Variants in SLC39A12 observed in about 807,000 individuals in gnomAD.
The protein encoded by SLC39A12 is solute carrier family 39 member 12.
SLC39A12 carries 63 observed loss-of-function variants against 71.1 expected under a neutral mutation model. That is an observed-to-expected ratio of 0.89 (90% CI 0.72 to 1.09). The LOEUF (loss-of-function observed/expected upper bound fraction) is 1.09, where lower values mean the gene tolerates loss of function less well. Among genes scored for constraint, SLC39A12 ranks in the 50% least tolerant of loss-of-function variants. SLC39A12 has a pLI of 0.00. For synonymous variants in SLC39A12, 351 were observed against 301.3 expected (o/e 1.16, Z -1.71); for missense variants, 892 against 812.6 (o/e 1.10, Z -1.19).
intron 12 of SLC39A12, among the ~76,000 whole-genome samples, chr10:18,039,209 G>C (rs1026090246): frequency 6.6e-6 from 1 of 152,134 alleles, no homozygotes; most frequent in Admixed American, 6.5e-5. Flanking sequence ...AATCTTGTTT[G>C]AAAAATGAGG....
chr10:17,968,534 G>T lies in SLC39A12; in HGVS notation c.751+2844G>T, dbSNP rs186095094. Among the ~76,000 whole-genome samples the T allele has an allele frequency of 1.6e-4, 24 of 152,178 alleles. 1 individual carries two copies. In the East Asian group the frequency reaches 4.6e-3, roughly 29 times the overall value. ...TCATTTTGTATTTCTTATAAGGCAGGTCTGCTAGCAATAAATTCTCTCATT... is the reference window on the plus strand; with the variant it reads ...TCATTTTGTATTTCTTATAAGGCAGTTCTGCTAGCAATAAATTCTCTCATT... On this transcript the variant is annotated intron_variant, in intron 4 of 12. Transcript: ENST00000377369.
intron 3 of SLC39A12, among the ~76,000 whole-genome samples, chr10:17,962,321 C>T (rs571269870): frequency 4.6e-5 from 7 of 152,208 alleles, no homozygotes; most frequent in Non-Finnish European, 8.8e-5. Context: ...AAAAGCATTA[C>T]TCATGGTTGC....
chr10:18,017,945 A>G (rs1038845272), intron 12 of SLC39A12, among the ~76,000 whole-genome samples: 1 of 152,148 alleles, frequency 6.6e-6, no homozygotes, highest in African/African-American at 2.4e-5. Flanking sequence ...TTTGATTTGG[A>G]TTGAATTGAA....
At chr10:18,034,237 T>C (rs1836933484) in intron 12 of SLC39A12, among the ~76,000 whole-genome samples, 1 of 150,062 alleles carries the variant, frequency 6.7e-6, no homozygotes, top group African/African-American at 2.4e-5. Flanking sequence ...ATCTGTCTAA[T>C]GTTGACAGTG....
chr10:17,977,993 A>C lies in SLC39A12; in HGVS notation c.843A>C (p.Ile281=). Residue 281 remains isoleucine (I), a synonymous_variant, in exon 5 of 13, where the codon ATA becomes ATC. Transcript: ENST00000377369. ...IHQFQRKQNN[I]ITHDQDYSNF... is the part of the protein sequence containing the mutation. ...AATTTCAAAGGAAACAAAACAACAT[A>C]ATAACCCATGATCAGGACTATTCTA... 3 of 1,611,860 alleles carry C rather than the reference A, an allele frequency of 1.9e-6. No homozygotes were observed. The highest frequency in any genetic ancestry group is 2.5e-6 in the Non-Finnish European group (3 of 1,179,116).
At chr10:18,036,772 A>ATTTTT (rs1837046099) in intron 12 of SLC39A12, among the ~76,000 whole-genome samples, 1 of 11,910 alleles carries the variant, frequency 8.4e-5, no homozygotes, top group African/African-American at 3.4e-4. Context: ...ATATATATAT[A>ATTTTT]TATATATATA....
chr10:17,966,402 T>C (rs1834825548), intron 4 of SLC39A12, among the ~76,000 whole-genome samples: 1 of 152,034 alleles, frequency 6.6e-6, no homozygotes, highest in Non-Finnish European at 1.5e-5. Flanking sequence ...CCTCCAACTC[T>C]TGAGCCCAAG....
intron 4 of SLC39A12, among the ~76,000 whole-genome samples, chr10:17,970,330 T>G (rs945952537): frequency 2.6e-5 from 4 of 152,210 alleles, no homozygotes; most frequent in Admixed American, 1.3e-4. Context: ...AAGAATATCA[T>G]TGATATTGTC....
Position 18,043,211 on chromosome 10 carries a change from T to C in SLC39A12, c.*378T>C, listed in dbSNP as rs1837307896. The C allele has an allele frequency of 1.3e-5, 2 of 154,372 alleles. No homozygotes were observed. The highest frequency in any genetic ancestry group is 2.9e-5 in the Non-Finnish European group (2 of 69,354). 9.6% of individuals were successfully genotyped at this position (154,372 alleles called of 1,614,324 possible). On this transcript the variant is annotated 3_prime_UTR_variant, in exon 13 of 13. Transcript: ENST00000377369. ...AAAATCAACTGCAACTTTTTGATGT[T>C]AATTTTTTTCCCTGTGCAATTATAA...
chr10:17,953,448 C>T lies in SLC39A12; in HGVS notation c.172C>T (p.His58Tyr). 6.2e-7 allele frequency: 1 copy of T among 1,614,188 alleles called. No individual in the cohort carries two copies. Among genetic ancestry groups the T allele is most frequent in the South Asian group, 1.1e-5 (1 of 91,082 alleles). The change falls in exon 2 of 13, where the codon CAC becomes TAC. Residue 58 changes from histidine (H) to tyrosine (Y), a missense_variant. Physicochemically the swap from His to Tyr is moderately conservative, Grantham distance 83 (BLOSUM62 2). Coordinates refer to ENST00000377369, the MANE Select transcript of SLC39A12 (RefSeq NM_001145195.2). ...TCTCTCTGCTGGTGACCACCCACCC[C>T]ACAACCACTCAAGAAGCCTCATCAA... Reference protein sequence around the residue: ...QVLSAGDHPPHNHSRSLIKTL... With the variant: ...QVLSAGDHPPYNHSRSLIKTL...
chr10:18,036,050 A>T (rs1262473734), intron 12 of SLC39A12, among the ~76,000 whole-genome samples: 2 of 152,158 alleles, frequency 1.3e-5, no homozygotes, highest in East Asian at 3.9e-4. Flanking sequence ...GCTCTCTTCA[A>T]AGCTGTCAGG....
chr10:17,966,550 G>C (rs565461375), intron 4 of SLC39A12, among the ~76,000 whole-genome samples: 1 of 152,012 alleles, frequency 6.6e-6, no homozygotes, highest in Admixed American at 6.6e-5. Context: ...GGCCTCAAGT[G>C]ATCGCCTGCC....
intron 7 of SLC39A12, among the ~76,000 whole-genome samples, chr10:17,989,099 GTAAAAC>G (rs1274805546): frequency 6.6e-6 from 1 of 152,192 alleles, no homozygotes; most frequent in Non-Finnish European, 1.5e-5. Context: ...AAGGAAAGGA[GTAAAAC>G]CTGAGTTGAG....
chr10:17,995,770 A>G, intron 10 of SLC39A12, 48 bp downstream of exon 10: 3 of 1,499,526 alleles, frequency 2.0e-6, no homozygotes, highest in Non-Finnish European at 2.7e-6. Context: ...ATAGAAAAAC[A>G]GTTATGTCTG....
At chr10:18,038,015 T>C (rs990835154) in intron 12 of SLC39A12, among the ~76,000 whole-genome samples, 4 of 55,600 alleles carry the variant, frequency 7.2e-5, no homozygotes, top group Non-Finnish European at 1.2e-4. Flanking sequence ...TGAGCCTCCA[T>C]CTCAAAAAAA....
At chr10:17,957,737 A>G (rs149452663) in intron 2 of SLC39A12, among the ~76,000 whole-genome samples, 3 of 152,146 alleles carry the variant, frequency 2.0e-5, no homozygotes, top group Admixed American at 6.6e-5. Context: ...GCTTTTTGTC[A>G]TATCTATGTC....
intron 2 of SLC39A12, among the ~76,000 whole-genome samples, chr10:17,957,442 T>C (rs1317044380): frequency 2.0e-5 from 3 of 152,162 alleles, no homozygotes; most frequent in South Asian, 2.1e-4. Flanking sequence ...ATTTATGAGA[T>C]TCCCCCCGCC....
chr10:17,984,507 G>T (rs1281082464), intron 6 of SLC39A12, among the ~76,000 whole-genome samples: 1 of 152,120 alleles, frequency 6.6e-6, no homozygotes, highest in East Asian at 1.9e-4. Context: ...TAAACATCCA[G>T]GTGCTCATGT....
At chr10:17,966,783 A>G (rs1410606246) in intron 4 of SLC39A12, among the ~76,000 whole-genome samples, 1 of 151,966 alleles carries the variant, frequency 6.6e-6, no homozygotes, top group African/African-American at 2.4e-5. Flanking sequence ...CAGCCTGGCC[A>G]ACATAGTGAA....
Sources: allele counts gnomAD v4.1 joint callset (sites outside exome capture counted in the v4.1 genomes callset), GRCh38; gene constraint gnomAD v4.1.1; transcripts MANE v1.5; gene names NCBI Gene and HGNC (gene_info 2026-07-23, HGNC 2026-07-21).